Variants in MTOR observed in about 807,000 individuals in gnomAD.
MTOR encodes the protein serine/threonine-protein kinase mTOR.
In MTOR, 70 loss-of-function variants were observed where a neutral mutation model predicts 319.8. That is an observed-to-expected ratio of 0.22 (90% CI 0.18 to 0.27). MTOR has a LOEUF of 0.27. MTOR is among the 10% of genes least tolerant of loss of function. MTOR has a pLI of 1.00. For synonymous variants in MTOR, 1,183 were observed against 1,211.4 expected, an observed-to-expected ratio of 0.98 and a Z score of 0.49; for missense variants, 1,890 against 3,274.4, an observed-to-expected ratio of 0.58 and a Z score of 10.32.
At chr1:11,253,423 G>A (rs1649959159) in intron 6 of MTOR, among the ~76,000 whole-genome samples, 1 of 152,038 alleles carries the variant, frequency 6.6e-6, no homozygotes, top group Admixed American at 6.6e-5. Context: ...GTGAACCGTG[G>A]GCCTATTAAT....
chr1:11,184,761 G>A (rs1645261361), intron 28 of MTOR, among the ~76,000 whole-genome samples: 1 of 151,966 alleles, frequency 6.6e-6, no homozygotes, highest in Non-Finnish European at 1.5e-5. Context: ...AAAAAAAATT[G>A]TTTGGCAATT....
chr1:11,217,657 C>T (rs1051179572), intron 19 of MTOR, among the ~76,000 whole-genome samples: 1 of 151,452 alleles, frequency 6.6e-6, no homozygotes, highest in African/African-American at 2.4e-5. Flanking sequence ...ATGATCCGCC[C>T]GCCTTGCCCT....
chr1:11,133,128 C>G lies in MTOR; in HGVS notation c.5316G>C (p.Val1772=). The G allele has an allele frequency of 6.2e-7, 1 of 1,614,174 alleles. No individual in the cohort carries two copies. Among genetic ancestry groups the G allele is most frequent in the South Asian group, 1.1e-5 (1 of 91,080 alleles). Residue 1772 remains valine (V), a synonymous_variant, in exon 38 of 58, where the codon GTG becomes GTC. Coordinates refer to ENST00000361445, the MANE Select transcript of MTOR (RefSeq NM_004958.4). The surrounding 1 kb of genome is among the most constrained non-coding windows in gnomAD (Gnocchi z 4.0). ...CTGTGGCGGCGCTGTAGTACTGCAGCACTTTGGGGATTGTGCTCTCATTGA... is the reference window on the plus strand; with the variant it reads ...CTGTGGCGGCGCTGTAGTACTGCAGGACTTTGGGGATTGTGCTCTCATTGA... ...QGINESTIPK[V]LQYYSAATEH...
In MTOR at chr1:11,259,347, G is replaced by A. The variant is rs773917708; in HGVS notation, c.63C>T (p.Val21=). The change falls in exon 2 of 58, where the codon GTC becomes GTT. Residue 21 remains valine, a synonymous_variant. Coordinates refer to ENST00000361445, the MANE Select transcript of MTOR (RefSeq NM_004958.4). The part of the protein sequence containing the change: ...TAATTSSNVS[V]LQQFASGLKS... Reference sequence around the variant, plus strand: ...TTAGGCCACTGGCAAACTGCTGCAGGACGCTCACATTGCTAGATGTGGTGG... The same window carrying A: ...TTAGGCCACTGGCAAACTGCTGCAGAACGCTCACATTGCTAGATGTGGTGG... 6.2e-7 allele frequency: 1 copy of A among 1,610,112 alleles called. No individual in the cohort carries two copies. Among genetic ancestry groups the A allele is most frequent in the Admixed American group, 1.7e-5 (1 of 58,936 alleles).
chr1:11,220,677 G>A (rs1268477648), intron 19 of MTOR, among the ~76,000 whole-genome samples: 1 of 152,156 alleles, frequency 6.6e-6, no homozygotes, highest in Non-Finnish European at 1.5e-5. Flanking sequence ...CCAACTCCTC[G>A]TGCTCTAGAA....
At chr1:11,176,349 C>A (rs781775596) in intron 28 of MTOR, among the ~76,000 whole-genome samples, 13 of 152,214 alleles carry the variant, frequency 8.5e-5, no homozygotes, top group Non-Finnish European at 1.3e-4. Flanking sequence ...CAAAGTGATG[C>A]AAGCCTCTTC....
rs772382425 is a variant in MTOR at position 11,109,636 on chromosome 1, A to T, written c.7447+13T>A. 1.9e-6 allele frequency: 3 copies of T among 1,613,064 alleles called. No individual in the cohort carries two copies. Among genetic ancestry groups the T allele is most frequent in the Non-Finnish European group, 2.5e-6 (3 of 1,178,998 alleles). On this transcript the variant is annotated intron_variant, in intron 55 of 57. Transcript: ENST00000361445. The surrounding 1 kb of genome is among the most constrained non-coding windows in gnomAD (Gnocchi z 4.0). The stretch of plus-strand genomic sequence containing the variant: ...GCTAGTCACTGGTGCGGTTCCTCAG[A>T]GGCTGAACTTACTGAAAGAATGAAT...
rs529945573 is a variant in MTOR at position 11,128,169 on chromosome 1, T to C, written c.5911-43A>G. ...GAAACATCTATAAAGGAAATGTGGG[T>C]TGGGGAAGAGCTGGTATGAATTTTA... On this transcript the variant is annotated intron_variant, in intron 42 of 57. Transcript: ENST00000361445. The surrounding 1 kb of genome is among the most constrained non-coding windows in gnomAD (Gnocchi z 5.3). 7.1e-5 allele frequency: 115 copies of C among 1,609,944 alleles called. No homozygotes were observed. The highest frequency in any genetic ancestry group is 9.5e-5 in the Non-Finnish European group (112 of 1,178,368).
intron 30 of MTOR, among the ~76,000 whole-genome samples, chr1:11,155,907 A>C (rs1644303824): frequency 6.6e-6 from 1 of 152,236 alleles, no homozygotes; most frequent in African/African-American, 2.4e-5. Flanking sequence ...GTGGACCCTC[A>C]GTATCATGTT....
chr1:11,261,087 C>A (rs1368855524), intron 1 of MTOR, among the ~76,000 whole-genome samples: 3 of 151,894 alleles, frequency 2.0e-5, no homozygotes, highest in Non-Finnish European at 4.4e-5. Context: ...CCACCATGCC[C>A]GGCCTGGACT....
At chr1:11,189,967 A>T in intron 28 of MTOR, 1 of 1,596,012 alleles carries the variant, frequency 6.3e-7, no homozygotes, top group Non-Finnish European at 8.5e-7. Context: ...TAAGGAGACC[A>T]GTCCCCTGAG....
intron 28 of MTOR, among the ~76,000 whole-genome samples, chr1:11,174,229 T>C (rs1644914639): frequency 6.6e-6 from 1 of 152,132 alleles, no homozygotes; most frequent in South Asian, 2.1e-4. Context: ...GTGTCTTAGC[T>C]TTCTCCTCTT....
chr1:11,165,608 T>C (rs1467542082), intron 29 of MTOR, among the ~76,000 whole-genome samples: 3 of 152,014 alleles, frequency 2.0e-5, no homozygotes, highest in Non-Finnish European at 4.4e-5. Flanking sequence ...CACAAACAAA[T>C]AGAAGAACAT....
In MTOR at chr1:11,109,792, C is replaced by A; in HGVS notation, c.7367-63G>T. ...ACCAAAAAGCCACTGTTGGTGTTAG[C>A]ATCTAATTCTCTACGCACTCTATTC... On this transcript the variant is annotated intron_variant, in intron 54 of 57. Transcript: ENST00000361445. This position sits in a 1 kb window ranked among gnomAD's most constrained non-coding sequence, Gnocchi z 4.0. The A allele has an allele frequency of 7.0e-7, 1 of 1,420,170 alleles. No homozygotes were observed. The highest frequency in any genetic ancestry group is 1.0e-6 in the Non-Finnish European group (1 of 1,004,248). 88.0% of individuals were successfully genotyped at this position (1,420,170 alleles called of 1,614,324 possible).
chr1:11,251,025 G>A (rs1649597267), intron 6 of MTOR, among the ~76,000 whole-genome samples: 1 of 152,154 alleles, frequency 6.6e-6, no homozygotes, highest in East Asian at 1.9e-4. Context: ...CCTGGCTTTA[G>A]TCCTTGACCC....
intron 8 of MTOR, among the ~76,000 whole-genome samples, chr1:11,245,753 T>A (rs983491505): frequency 3.9e-5 from 6 of 152,080 alleles, no homozygotes; most frequent in East Asian, 3.9e-4. Flanking sequence ...AAAAATAAAT[T>A]TAAAAAATTA....
In MTOR at chr1:11,240,391, G is replaced by C. The variant is rs746071860; in HGVS notation, c.1698C>G (p.Ala566=). ...CAGGGAGGGTCGTGAGGCCAGGAGA[G>C]GCCAGCTGATGGGCCAGGCCCTTGG... ...GMPKGLAHQL[A]SPGLTTLPEA... Residue 566 remains alanine (A), a synonymous_variant, in exon 11 of 58, where the codon GCC becomes GCG. Coordinates refer to ENST00000361445, the MANE Select transcript of MTOR (RefSeq NM_004958.4). 1.9e-6 allele frequency: 3 copies of C among 1,614,264 alleles called. No homozygotes were observed. The highest frequency in any genetic ancestry group is 2.5e-6 in the Non-Finnish European group (3 of 1,180,050).
At chr1:11,217,817 G>C (rs992558628) in intron 19 of MTOR, among the ~76,000 whole-genome samples, 1 of 151,666 alleles carries the variant, frequency 6.6e-6, no homozygotes, top group African/African-American at 2.4e-5. Flanking sequence ...CATGCAAGTC[G>C]GGTAAGTTGG....
intron 36 of MTOR, among the ~76,000 whole-genome samples, chr1:11,135,816 G>C (rs1003428519): frequency 2.0e-5 from 3 of 150,344 alleles, no homozygotes; most frequent in African/African-American, 7.4e-5. Context: ...CTGGGCAACA[G>C]AGTGAGACTG....
Sources: gnomAD v4.1 joint callset for allele counts (sites outside exome capture counted in the v4.1 genomes callset) on GRCh38, gnomAD v4.1.1 for gene constraint, Gnocchi (gnomAD v3.1) non-coding constraint, MANE v1.5 for transcripts, NCBI Gene and HGNC (gene_info 2026-07-23, HGNC 2026-07-21) for gene names.